The following PTPRZ1 variants were observed in gnomAD, a reference collection of about 807,000 sequenced individuals.
The protein encoded by PTPRZ1 is receptor-type tyrosine-protein phosphatase zeta.
Under a neutral mutation model 214.1 loss-of-function variants are expected in PTPRZ1, and 82 were observed. The ratio of observed to expected loss-of-function variants is 0.38; its 90% CI spans 0.32 to 0.46. The LOEUF (loss-of-function observed/expected upper bound fraction) is 0.46, where lower values mean the gene tolerates loss of function less well. Among genes scored for constraint, PTPRZ1 ranks in the 20% least tolerant of loss-of-function variants. PTPRZ1 has a pLI of 1.00. For synonymous variants in PTPRZ1, 945 were observed against 987.9 expected (o/e 0.96, Z 0.81); for missense variants, 2,603 against 2,748.7 (o/e 0.95, Z 1.19).
intron 27 of PTPRZ1, among the ~76,000 whole-genome samples, chr7:122,058,569 G>T (rs1372773753): frequency 6.6e-6 from 1 of 151,892 alleles, no homozygotes; most frequent in Non-Finnish European, 1.5e-5. Flanking sequence ...TTTATTTTTA[G>T]AATAAAAAAA....
intron 6 of PTPRZ1, among the ~76,000 whole-genome samples, chr7:121,979,915 T>A (rs1797552819): frequency 1.3e-5 from 2 of 152,028 alleles, no homozygotes; most frequent in Non-Finnish European, 2.9e-5. Flanking sequence ...TTCTGTAATT[T>A]AAAAATCTTG....
chr7:122,032,526 C>T (rs1799413035), intron 15 of PTPRZ1, among the ~76,000 whole-genome samples: 1 of 152,156 alleles, frequency 6.6e-6, no homozygotes, highest in South Asian at 2.1e-4. Flanking sequence ...TCTCTCTCCC[C>T]TAACCCCAGT....
intron 1 of PTPRZ1, among the ~76,000 whole-genome samples, chr7:121,884,073 T>C (rs1181528858): frequency 1.3e-5 from 2 of 151,254 alleles, no homozygotes; most frequent in African/African-American, 2.4e-5. Context: ...AATGTAAGCA[T>C]ATTTTTTCCT....
chr7:122,008,827 A>T (rs1039956352), intron 11 of PTPRZ1, among the ~76,000 whole-genome samples: 1 of 152,186 alleles, frequency 6.6e-6, no homozygotes, highest in Non-Finnish European at 1.5e-5. Flanking sequence ...ATTATAAAAC[A>T]AATATTTATG....
chr7:121,959,924 A>G (rs1296176476), intron 2 of PTPRZ1, among the ~76,000 whole-genome samples: 1 of 152,236 alleles, frequency 6.6e-6, no homozygotes, highest in African/African-American at 2.4e-5. Context: ...TGTATGGAGC[A>G]CTAAGTAGAG....
At chr7:122,027,075 CA>C (rs1397706410) in intron 13 of PTPRZ1, among the ~76,000 whole-genome samples, 1 of 152,064 alleles carries the variant, frequency 6.6e-6, no homozygotes, top group Non-Finnish European at 1.5e-5. Context: ...ACAGAGCAAA[CA>C]AAAAGGCAAA....
chr7:121,895,685 G>A (rs1794765961), intron 1 of PTPRZ1, among the ~76,000 whole-genome samples: 1 of 152,106 alleles, frequency 6.6e-6, no homozygotes, highest in Non-Finnish European at 1.5e-5. Flanking sequence ...TCTTCAAGAC[G>A]ACTCAGATTG....
chr7:121,923,097 C>T (rs79819588), intron 1 of PTPRZ1, among the ~76,000 whole-genome samples: 8,902 of 152,154 alleles, frequency 0.059, 310 homozygotes, highest in Non-Finnish European at 0.085. Flanking sequence ...CATGAGCGCT[C>T]CCTGGACTGT....
rs933898720 is a variant in PTPRZ1, at chr7:121,943,981, T to A, written c.124+15760T>A. 6.6e-5 allele frequency among the ~76,000 whole-genome samples: 10 copies of A among 152,346 alleles called. No individual in the cohort carries two copies. In the East Asian group the frequency reaches 1.2e-3, roughly 18 times the overall value. On this transcript the variant is annotated intron_variant, in intron 2 of 29. Transcript: ENST00000393386. ...GCTCTCTGGATGAGGTATATTGACA[T>A]TTAAAAAGTAGCAGTATTGCCTCAG...
Position 122,011,436 on chromosome 7 carries a change from C to A in PTPRZ1, c.2390C>A (p.Thr797Lys). Residue 797 changes from threonine (T) to lysine (K), a missense_variant, in exon 12 of 30, where the codon ACG becomes AAG. This residue lies in a region of PTPRZ1 where 1,913 missense variants were observed against 1,914.3 expected (regional missense o/e 1.00). Transcript: ENST00000393386. Reference protein sequence around the residue: ...ASSSDSALHATPVFPSVDVSF... With the variant: ...ASSSDSALHAKPVFPSVDVSF... ...AGTAGTGATTCGGCCTTGCATGCTA[C>A]GCCTGTATTTCCCAGTGTCGATGTG... is the stretch of plus-strand genomic sequence containing the variant. The A allele has an allele frequency of 6.2e-7, 1 of 1,614,106 alleles. No homozygotes were observed. Among genetic ancestry groups the A allele is most frequent in the Non-Finnish European group, 8.5e-7 (1 of 1,179,996 alleles).
rs141612892 is a variant in PTPRZ1, at chr7:121,916,002, G to A, written c.59-12154G>A. 2.6e-3 allele frequency among the ~76,000 whole-genome samples: 398 copies of A among 152,064 alleles called. 4 individuals are homozygous for A. The highest frequency in any genetic ancestry group is 8.8e-3 in the African/African-American group (364 of 41,494). On this transcript the variant is annotated intron_variant, in intron 1 of 29. Coordinates refer to ENST00000393386, the MANE Select transcript of PTPRZ1 (RefSeq NM_002851.3). ...TTAAGATGCTCTTTTTTGGCCAGGCGCAGTGGCTCATGCCTGTAATCCCAG... is the reference window on the plus strand; with the variant it reads ...TTAAGATGCTCTTTTTTGGCCAGGCACAGTGGCTCATGCCTGTAATCCCAG...
chr7:121,895,254 CTGTT>C (rs10535428), intron 1 of PTPRZ1, among the ~76,000 whole-genome samples: 25,736 of 152,076 alleles, frequency 0.17, 2,430 homozygotes, highest in East Asian at 0.29. Context: ...TCTCTCCTGT[CTGTT>C]CTCTTCTAGT....
chr7:122,030,089 A>G (rs1799328860), intron 14 of PTPRZ1, among the ~76,000 whole-genome samples: 1 of 151,958 alleles, frequency 6.6e-6, no homozygotes, highest in Non-Finnish European at 1.5e-5. Context: ...TTTATTTTTA[A>G]CAAATAAAAT....
At chr7:121,878,114 G>GA in intron 1 of PTPRZ1, among the ~76,000 whole-genome samples, 1 of 151,996 alleles carries the variant, frequency 6.6e-6, no homozygotes, top group South Asian at 2.1e-4. Flanking sequence ...ATTAAAGAAA[G>GA]AAAAAATATC....
intron 3 of PTPRZ1, among the ~76,000 whole-genome samples, chr7:121,969,777 G>T (rs934084317): frequency 6.6e-6 from 1 of 151,124 alleles, no homozygotes; most frequent in African/African-American, 2.4e-5. Context: ...CCTCTGCTTT[G>T]GTTTTTTTAT....
At chr7:122,059,048 T>A (rs1427441340) in intron 28 of PTPRZ1, 106 bp downstream of exon 28, 1 of 1,128,632 alleles carries the variant, frequency 8.9e-7, no homozygotes, top group Non-Finnish European at 1.2e-6. Context: ...CTGTGATGAT[T>A]CAGCCATGGT....
At chr7:121,990,480 C>A (rs1485704609) in intron 8 of PTPRZ1, among the ~76,000 whole-genome samples, 1 of 149,264 alleles carries the variant, frequency 6.7e-6, no homozygotes, top group Admixed American at 6.7e-5. Flanking sequence ...TTAATAGAAC[C>A]ATCTGGTCCT....
intron 2 of PTPRZ1, among the ~76,000 whole-genome samples, chr7:121,943,131 A>G (rs905224623): frequency 5.3e-5 from 8 of 152,222 alleles, no homozygotes; most frequent in African/African-American, 1.9e-4. Flanking sequence ...GACACATCAA[A>G]TAAAAACTCC....
chr7:122,005,691 G>C (rs1798465246), intron 11 of PTPRZ1, among the ~76,000 whole-genome samples: 1 of 151,758 alleles, frequency 6.6e-6, no homozygotes. Flanking sequence ...ACAGAATTAA[G>C]TCAAAAAAGA....
Sources: allele counts gnomAD v4.1 joint callset (sites outside exome capture counted in the v4.1 genomes callset), GRCh38; gene constraint gnomAD v4.1.1; regional missense constraint gnomAD v4.1.1; transcripts MANE v1.5; gene names NCBI Gene and HGNC (gene_info 2026-07-23, HGNC 2026-07-21).